The following FAAH2 variants were observed in gnomAD, a reference collection of about 807,000 sequenced individuals.
FAAH2 encodes fatty acid amide hydrolase 2, also known as fatty-acid amide hydrolase 2.
FAAH2 carries 60 observed loss-of-function variants against 36.9 expected under a neutral mutation model. The ratio of observed to expected loss-of-function variants is 1.63; its 90% CI spans 1.32 to 2.02. The LOEUF (loss-of-function observed/expected upper bound fraction) is 2.02, where lower values mean the gene tolerates loss of function less well. Among genes scored for constraint, FAAH2 ranks in the 30% most tolerant of loss-of-function variants. The pLI is 0.00. For missense variants in FAAH2, 689 were observed against 397.5 expected (o/e 1.73, Z -6.23); for synonymous variants, 214 against 143.8 (o/e 1.49, Z -3.49).
At chrX:57,146,681 G>T in the FAAH2 span, among the ~76,000 whole-genome samples, 21 of 112,098 alleles carry the variant, frequency 1.9e-4, no homozygotes, top group South Asian at 7.8e-3. Context: ...TCTCCATTCA[G>T]TATAATGTTG....
chrX:57,216,506 A>G, the FAAH2 span, among the ~76,000 whole-genome samples: 1 of 65,060 alleles, frequency 1.5e-5, no homozygotes, highest in Non-Finnish European at 2.6e-5. Context: ...GTATATGTAT[A>G]TATATATATA....
At chrX:57,234,802 T>C in the FAAH2 span, among the ~76,000 whole-genome samples, 1 of 111,556 alleles carries the variant, frequency 9.0e-6, no homozygotes, top group African/African-American at 3.2e-5. Context: ...AATCCCAGCA[T>C]TTGGGAGGCT....
At chrX:57,209,666 C>T in the FAAH2 span, among the ~76,000 whole-genome samples, 3 of 111,541 alleles carry the variant, frequency 2.7e-5, no homozygotes, top group Non-Finnish European at 5.6e-5. Flanking sequence ...GATGCCAGCA[C>T]TTTTTTAGCT....
At chrX:57,358,155 C>T (rs28822686) in intron 5 of FAAH2, among the ~76,000 whole-genome samples, 4,607 of 56,802 alleles carry the variant, frequency 0.081, 247 homozygotes, top group African/African-American at 0.31. Context: ...AGTTTGAGAT[C>T]TTTTTTTTTT....
At chrX:57,131,882 C>T in the FAAH2 span, among the ~76,000 whole-genome samples, 1 of 111,804 alleles carries the variant, frequency 8.9e-6, no homozygotes, top group Non-Finnish European at 1.9e-5. Context: ...CCAGTAGTGA[C>T]CTAAGGAAAA....
intron 5 of FAAH2, among the ~76,000 whole-genome samples, chrX:57,343,992 A>G (rs1171674503): frequency 1.8e-5 from 2 of 110,834 alleles, no homozygotes. Context: ...TACCAGCTTC[A>G]TGTGGTTTTG....
At chrX:57,224,314 G>T in the FAAH2 span, among the ~76,000 whole-genome samples, 1 of 111,624 alleles carries the variant, frequency 9.0e-6, no homozygotes, top group African/African-American at 3.3e-5. Flanking sequence ...ATACCAACCC[G>T]TCTCTCAACA....
intron 2 of FAAH2, among the ~76,000 whole-genome samples, chrX:57,301,422 T>C (rs1251167132): frequency 1.2e-5 from 1 of 81,468 alleles, no homozygotes; most frequent in Non-Finnish European, 2.2e-5. Context: ...TGAGAACACA[T>C]GGACACAGGA....
chrX:57,195,273 A>AT, the FAAH2 span, among the ~76,000 whole-genome samples: 1 of 110,975 alleles, frequency 9.0e-6, no homozygotes, highest in Non-Finnish European at 1.9e-5. Context: ...ATCAACATCT[A>AT]TTTTTTTTAA....
intron 2 of FAAH2, among the ~76,000 whole-genome samples, chrX:57,295,729 G>A (rs1233973882): frequency 1.8e-5 from 2 of 111,999 alleles, no homozygotes; most frequent in Non-Finnish European, 3.8e-5. Flanking sequence ...GTGACAGATG[G>A]CACCTGGAAA....
chrX:57,466,226 T>C (rs1276951837), intron 10 of FAAH2, among the ~76,000 whole-genome samples: 1 of 97,230 alleles, frequency 1.0e-5, no homozygotes, highest in Non-Finnish European at 2.0e-5. Flanking sequence ...CAGAAAAGGA[T>C]TAGAGAATGC....
Position 57,447,893 on chromosome X carries a change from C to G in FAAH2, c.1229-631C>G, listed in dbSNP as rs529564628. Among the ~76,000 whole-genome samples, 4 of 112,381 alleles carry G rather than the reference C, an allele frequency of 3.6e-5. No homozygotes were observed. The South Asian group carries it at 1.5e-3, about 41-fold the overall frequency. On this transcript the variant is annotated intron_variant, in intron 9 of 10. Coordinates refer to ENST00000374900, the MANE Select transcript of FAAH2 (RefSeq NM_174912.4). Reference sequence around the variant, plus strand: ...CTTGGAGATTAACATTTGGATCCTCCTTATTTATGTAAATTTCTGCAGCCG... The same window carrying G: ...CTTGGAGATTAACATTTGGATCCTCGTTATTTATGTAAATTTCTGCAGCCG...
At chrX:57,277,757 C>G in the FAAH2 span, among the ~76,000 whole-genome samples, 89 of 111,854 alleles carry the variant, frequency 8.0e-4, no homozygotes, top group African/African-American at 2.6e-3. Context: ...GTAAAAATCA[C>G]AAGCATTCCT....
intron 7 of FAAH2, among the ~76,000 whole-genome samples, chrX:57,424,345 ATCT>A (rs977727072): frequency 2.7e-5 from 3 of 111,425 alleles, no homozygotes; most frequent in African/African-American, 9.8e-5. Context: ...GGCACAGGAG[ATCT>A]TCTCCGTGTA....
chrX:57,457,008 T>G (rs1486308422), intron 10 of FAAH2, among the ~76,000 whole-genome samples: 1 of 111,229 alleles, frequency 9.0e-6, no homozygotes, highest in Non-Finnish European at 1.9e-5. Context: ...AAAAAAAAAT[T>G]CAAGTCAATA....
chrX:57,159,668 T>C, the FAAH2 span, among the ~76,000 whole-genome samples: 1 of 111,993 alleles, frequency 8.9e-6, no homozygotes, highest in African/African-American at 3.2e-5. Flanking sequence ...AAAATGCTTG[T>C]GATTTTTGTA....
At chrX:57,382,197 G>T (rs940083604) in intron 7 of FAAH2, among the ~76,000 whole-genome samples, 1 of 111,199 alleles carries the variant, frequency 9.0e-6, no homozygotes, top group Non-Finnish European at 1.9e-5. Context: ...GAAATTTTTA[G>T]CACTAAATGC....
chrX:57,367,080 CTG>C (rs2054435902), intron 5 of FAAH2, among the ~76,000 whole-genome samples: 1 of 112,428 alleles, frequency 8.9e-6, no homozygotes, highest in Non-Finnish European at 1.9e-5. Context: ...ATATTTATCT[CTG>C]TATTGTATAA....
At position 57,307,038 on chromosome X, in the gene FAAH2, G is replaced by A. The variant is rs1347708778; in HGVS notation, c.276-3555G>A. On this transcript the variant is annotated intron_variant, in intron 2 of 10. Coordinates refer to ENST00000374900, the MANE Select transcript of FAAH2 (RefSeq NM_174912.4). Reference sequence around the variant, plus strand: ...ATATAGCCTTTGTCCTCTGAGTACCGCTGGCCCACCAATAGGGTTATATGC... The same window carrying A: ...ATATAGCCTTTGTCCTCTGAGTACCACTGGCCCACCAATAGGGTTATATGC... Among the ~76,000 whole-genome samples the A allele has an allele frequency of 1.8e-4, 4 of 22,477 alleles. No individual in the cohort carries two copies. In the Admixed American group the frequency reaches 2.3e-3, roughly 13 times the overall value. The allele number at this position is 22,477 out of a possible 115,157, so 19.5% of individuals were successfully genotyped here.
Sources: allele counts gnomAD v4.1 joint callset (sites outside exome capture counted in the v4.1 genomes callset), GRCh38; gene constraint gnomAD v4.1.1; transcripts MANE v1.5; gene names NCBI Gene and HGNC (gene_info 2026-07-23, HGNC 2026-07-21).